Variants in CD2 observed in about 807,000 individuals in gnomAD.
CD2 encodes the protein CD2 molecule, also known as T-cell surface antigen CD2.
In CD2, 18 loss-of-function variants were observed where a neutral mutation model predicts 23.2. That is an observed-to-expected ratio of 0.77 (90% confidence interval 0.54 to 1.15). The LOEUF is 1.15. Among genes scored for constraint, CD2 ranks in the 50% most tolerant of loss-of-function variants. The probability of loss-of-function intolerance (pLI) is 0.00; values close to 1 mark genes in which losing one functional copy is unlikely to be tolerated. For synonymous variants in CD2, 162 were observed against 151.9 expected (o/e 1.07, Z -0.49); for missense variants, 424 against 423.1 (o/e 1.00, Z -0.02).
chr1:116,764,631 C>T (rs746798324), intron 4 of CD2, 25 bp downstream of exon 4: 2 of 1,583,428 alleles, frequency 1.3e-6, no homozygotes, highest in South Asian at 2.2e-5. Flanking sequence ...TTTTGTCCCA[C>T]CGCAGGCCCC....
At chr1:116,760,746 G>A in intron 3 of CD2, 114 bp downstream of exon 3, 1 of 759,502 alleles carries the variant, frequency 1.3e-6, no homozygotes, top group South Asian at 1.6e-5. Context: ...CTCAGGATGA[G>A]GCATGAAAGC....
rs757834652 is a variant in CD2 at position 116,768,719 on chromosome 1, C to T, written c.992C>T (p.Pro331Leu). The T allele has an allele frequency of 1.2e-6, 2 of 1,614,166 alleles. No individual in the cohort carries two copies. The highest frequency in any genetic ancestry group is 2.2e-5 in the East Asian group (1 of 44,872). ...HQQKGPPLPRPRVQPKPPHGA... is the reference protein window; with the variant it reads ...HQQKGPPLPRLRVQPKPPHGA... ...CAGAAAGGCCCGCCCCTCCCCAGAC[C>T]TCGAGTTCAGCCAAAACCTCCCCAT... The change falls in exon 5 of 5, where the codon CCT (proline) becomes CTT (leucine). Residue 331 changes from proline (P) to leucine (L), a missense_variant. Pro to Leu is a moderately conservative substitution (Grantham distance 98, BLOSUM62 -3). Transcript: ENST00000369478.
At chr1:116,761,721 G>A (rs1238817357) in intron 3 of CD2, among the ~76,000 whole-genome samples, 1 of 152,192 alleles carries the variant, frequency 6.6e-6, no homozygotes, top group Non-Finnish European at 1.5e-5. Flanking sequence ...GCATCTGAGA[G>A]TCTGCCAATC....
chr1:116,764,402 G>A, intron 3 of CD2, 82 bp from the exon 4 acceptor site: 1 of 1,555,246 alleles, frequency 6.4e-7, no homozygotes, highest in East Asian at 2.2e-5. Context: ...TCTGCTTGAT[G>A]CAGGAGGCAG....
At chr1:116,760,703 G>A in intron 3 of CD2, 71 bp downstream of exon 3, 1 of 1,192,546 alleles carries the variant, frequency 8.4e-7, no homozygotes, top group Admixed American at 1.9e-5. Context: ...GCTGCTCCAG[G>A]TCACAGGTGC....
intron 4 of CD2, among the ~76,000 whole-genome samples, chr1:116,764,838 C>T (rs1457142170): frequency 6.6e-6 from 1 of 152,142 alleles, no homozygotes; most frequent in African/African-American, 2.4e-5. Flanking sequence ...ATCCAGTTGG[C>T]CTCATTGGAA....
chr1:116,767,759 G>A (rs1034008369), intron 4 of CD2, among the ~76,000 whole-genome samples: 1 of 152,178 alleles, frequency 6.6e-6, no homozygotes, highest in Admixed American at 6.5e-5. Context: ...GCCTCTAGCA[G>A]CTGGGCACCT....
chr1:116,768,607 A>C lies in CD2; in HGVS notation c.880A>C (p.Ser294Arg). 1 of 1,613,996 alleles carries C rather than the reference A, an allele frequency of 6.2e-7. No individual in the cohort carries two copies. Among genetic ancestry groups the C allele is most frequent in the Non-Finnish European group, 8.5e-7 (1 of 1,180,024 alleles). The stretch of plus-strand genomic sequence containing the variant: ...ACCTGGTCATCGTTCCCAGGCACCT[A>C]GTCATCGTCCCCCGCCTCCTGGACA... ...PPPGHRSQAP[S>R]HRPPPPGHRV... Residue 294 changes from serine to arginine, a missense_variant, in exon 5 of 5, where the codon AGT (serine) becomes CGT (arginine). Ser to Arg is a moderately radical substitution (Grantham distance 110). Transcript: ENST00000369478.
At chr1:116,760,844 C>A (rs1186649206) in intron 3 of CD2, among the ~76,000 whole-genome samples, 1 of 152,204 alleles carries the variant, frequency 6.6e-6, no homozygotes, top group Admixed American at 6.5e-5. Flanking sequence ...TCCCACTGAG[C>A]ACAATTTGAC....
In CD2 at chr1:116,760,601, G is replaced by A. The variant is rs1652017970; in HGVS notation, c.582G>A (p.Lys194=). ...FKCTAGNKVS[K]ESSVEPVSCP... ...GCACAGCAGGGAACAAAGTCAGCAA[G>A]GAATCCAGTGTCGAGCCTGTCAGCT... Residue 194 remains lysine, a synonymous_variant, in exon 3 of 5, where the codon AAG becomes AAA. Coordinates refer to ENST00000369478, the MANE Select transcript of CD2 (RefSeq NM_001767.5). The A allele has an allele frequency of 6.2e-7, 1 of 1,614,240 alleles. No homozygotes were observed. Among genetic ancestry groups the A allele is most frequent in the Non-Finnish European group, 8.5e-7 (1 of 1,180,038 alleles).
chr1:116,764,796 G>A (rs1652165438), intron 4 of CD2, 190 bp downstream of exon 4: 4 of 583,196 alleles, frequency 6.9e-6, no homozygotes, highest in South Asian at 2.0e-5. Flanking sequence ...CAAATTCTTA[G>A]TGGTGACAAT....
intron 4 of CD2, among the ~76,000 whole-genome samples, chr1:116,765,580 C>T (rs1652191805): frequency 6.6e-6 from 1 of 152,068 alleles, no homozygotes; most frequent in Admixed American, 6.5e-5. Flanking sequence ...AGCCCAGGCC[C>T]CGAAACATCA....
intron 4 of CD2, among the ~76,000 whole-genome samples, chr1:116,766,724 G>T (rs534180664): frequency 6.6e-6 from 1 of 152,050 alleles, no homozygotes; most frequent in Admixed American, 6.5e-5. Context: ...TTAGGTGGGT[G>T]CATTGGTGTA....
At chr1:116,762,187 G>A (rs149987626) in intron 3 of CD2, among the ~76,000 whole-genome samples, 14 of 152,260 alleles carry the variant, frequency 9.2e-5, no homozygotes, top group South Asian at 4.1e-4. Context: ...GCATAAGTAC[G>A]TTTCAGATAT....
At position 116,754,807 on chromosome 1, in the gene CD2, G is replaced by C; in HGVS notation, c.238G>C (p.Glu80Gln). 1 of 1,612,650 alleles carries C rather than the reference G, an allele frequency of 6.2e-7. No homozygotes were observed. The highest frequency in any genetic ancestry group is 2.2e-5 in the East Asian group (1 of 44,870). Residue 80 changes from glutamate to glutamine, a missense_variant, in exon 2 of 5, where the codon GAA becomes CAA. Coordinates refer to ENST00000369478, the MANE Select transcript of CD2 (RefSeq NM_001767.5). ...QFRKEKETFKEKDTYKLFKNG... is the reference protein window; with the variant it reads ...QFRKEKETFKQKDTYKLFKNG... ...CAGAAAAGAGAAAGAGACTTTCAAG[G>C]AAAAAGATACATATAAGCTATTTAA... is the stretch of plus-strand genomic sequence containing the variant.
chr1:116,765,895 A>G (rs960455345), intron 4 of CD2, among the ~76,000 whole-genome samples: 1 of 152,256 alleles, frequency 6.6e-6, no homozygotes, highest in African/African-American at 2.4e-5. Flanking sequence ...TTTTATGTCT[A>G]TTAGTGCATC....
chr1:116,768,227 T>C (rs893238085), intron 4 of CD2, among the ~76,000 whole-genome samples: 1 of 152,146 alleles, frequency 6.6e-6, no homozygotes, highest in Admixed American at 6.5e-5. Context: ...CCTCCACCCA[T>C]GTGTCTTCTT....
At chr1:116,768,249 C>T (rs1245566327) in intron 4 of CD2, among the ~76,000 whole-genome samples, 2 of 152,176 alleles carry the variant, frequency 1.3e-5, no homozygotes, top group Admixed American at 6.5e-5. Flanking sequence ...CTGCTGATTC[C>T]TTGAGTTCTC....
chr1:116,761,809 G>A (rs1652063695), intron 3 of CD2, among the ~76,000 whole-genome samples: 1 of 152,166 alleles, frequency 6.6e-6, no homozygotes, highest in Non-Finnish European at 1.5e-5. Flanking sequence ...CTAAGGCACA[G>A]TAAGTGAAGT....
Sources: allele counts gnomAD v4.1 joint callset (sites outside exome capture counted in the v4.1 genomes callset), GRCh38; gene constraint gnomAD v4.1.1; transcripts MANE v1.5; gene names NCBI Gene and HGNC (gene_info 2026-07-23, HGNC 2026-07-21).